The following ITPR1 variants were observed in gnomAD, a reference collection of about 807,000 sequenced individuals.
ITPR1 encodes inositol 1,4,5-trisphosphate-gated calcium channel ITPR1.
ITPR1 carries 96 observed loss-of-function variants against 318.4 expected under a neutral mutation model. The observed-to-expected ratio is 0.30, with a 90% confidence interval of 0.26 to 0.36. ITPR1 has a LOEUF of 0.36. Ranked by LOEUF, ITPR1 falls within the 10% of genes least tolerant of loss-of-function variation. ITPR1 has a pLI of 1.00. For missense variants in ITPR1, 2,440 were observed against 3,460.2 expected (o/e 0.71, Z 7.40); for synonymous variants, 1,312 against 1,289.9 (o/e 1.02, Z -0.37).
At chr3:4,584,574 T>G (rs1237811020) in intron 4 of ITPR1, among the ~76,000 whole-genome samples, 1 of 144,594 alleles carries the variant, frequency 6.9e-6, no homozygotes, top group Non-Finnish European at 1.5e-5. Flanking sequence ...TTTTTTTTTG[T>G]GAAAGGAAGT....
At position 4,699,833 on chromosome 3, in the gene ITPR1, C is replaced by G; in HGVS notation, c.4428C>G (p.Asp1476Glu). The change falls in exon 35 of 62, where the codon GAC becomes GAG. Residue 1476 changes from aspartate (D) to glutamate (E), a missense_variant. Physicochemically the swap from Asp to Glu is conservative, Grantham distance 45. Coordinates refer to ENST00000649015, the MANE Select transcript of ITPR1 (RefSeq NM_001378452.1). ...DICRACNNTS[D>E]RKHADSILEK... is the part of the protein sequence containing the mutation. ...TCCAGGCCTGTAACAACACTAGTGA[C>G]AGGAAACATGCAGACTCGATTTTGG... 6.2e-7 allele frequency: 1 copy of G among 1,613,866 alleles called. No homozygotes were observed. Among genetic ancestry groups the G allele is most frequent in the Non-Finnish European group, 8.5e-7 (1 of 1,179,804 alleles).
chr3:4,835,323 G>A (rs1324150693), intron 60 of ITPR1, among the ~76,000 whole-genome samples: 2 of 152,118 alleles, frequency 1.3e-5, no homozygotes, highest in Non-Finnish European at 2.9e-5. Flanking sequence ...ATATATTGAT[G>A]CCTTCTATTG....
intron 43 of ITPR1, among the ~76,000 whole-genome samples, chr3:4,734,827 C>A (rs1187036139): frequency 6.6e-6 from 1 of 152,196 alleles, no homozygotes; most frequent in Non-Finnish European, 1.5e-5. Flanking sequence ...TTTCTGAAAC[C>A]AGTTCTGAAC....
chr3:4,714,242 C>T (rs1302869710), intron 39 of ITPR1, among the ~76,000 whole-genome samples: 1 of 152,170 alleles, frequency 6.6e-6, no homozygotes, highest in Non-Finnish European at 1.5e-5. Flanking sequence ...TCAAGCAAAC[C>T]AGTTGGCTTG....
intron 44 of ITPR1, among the ~76,000 whole-genome samples, chr3:4,756,451 A>AGTTATT (rs1299230025): frequency 6.6e-6 from 1 of 152,072 alleles, no homozygotes; most frequent in Non-Finnish European, 1.5e-5. Context: ...AGTACCCAAT[A>AGTTATT]GTTATTTTTT....
chr3:4,737,023 T>G (rs1298576920), intron 44 of ITPR1, among the ~76,000 whole-genome samples: 1 of 152,212 alleles, frequency 6.6e-6, no homozygotes, highest in Non-Finnish European at 1.5e-5. Flanking sequence ...GGCCATTTTT[T>G]TCTGAGATTA....
chr3:4,518,573 G>T (rs1283957648), intron 3 of ITPR1, among the ~76,000 whole-genome samples: 1 of 152,118 alleles, frequency 6.6e-6, no homozygotes, highest in Non-Finnish European at 1.5e-5. Flanking sequence ...ACCTGTTGTG[G>T]ACTACGGTGA....
Position 4,766,704 on chromosome 3 carries a change from A to G in ITPR1, c.5719A>G (p.Lys1907Glu). 1.3e-6 allele frequency: 2 copies of G among 1,593,848 alleles called. No individual in the cohort carries two copies. The highest frequency in any genetic ancestry group is 1.7e-6 in the Non-Finnish European group (2 of 1,169,468). ...GGTAGACAGGGATGCCCCATCACGG[A>G]AAAAAGGTAAATGTTCCTCAGTCTT... ...DEVDRDAPSRKKAKEPTTQIT... is the reference protein window; with the variant it reads ...DEVDRDAPSREKAKEPTTQIT... Residue 1907 changes from lysine to glutamate, a missense_variant, in exon 45 of 62, where the codon AAA becomes GAA. Transcript: ENST00000649015.
chr3:4,788,168 A>G lies in ITPR1; in HGVS notation c.6808+29A>G, dbSNP rs766526454. 1.2e-5 allele frequency: 18 copies of G among 1,547,454 alleles called. No homozygotes were observed. In the South Asian group the frequency reaches 2.0e-4, roughly 17 times the overall value. ...GGTTCCAACGCATCAGCAACAACAC[A>G]GAGAGACACAGTTCTGGGATTTCAC... On this transcript the variant is annotated intron_variant, in intron 52 of 61. Transcript: ENST00000649015.
intron 4 of ITPR1, among the ~76,000 whole-genome samples, chr3:4,536,450 T>C (rs2083882431): frequency 6.6e-6 from 1 of 152,224 alleles, no homozygotes; most frequent in South Asian, 2.1e-4. Flanking sequence ...GCAAGACTCT[T>C]AGAAACACAG....
At chr3:4,782,385 C>T (rs1000613962) in intron 49 of ITPR1, 14 of 353,292 alleles carry the variant, frequency 4.0e-5, no homozygotes, top group African/African-American at 2.5e-4. Flanking sequence ...CAGCATGTCT[C>T]TTGGTCTAAG....
intron 4 of ITPR1, among the ~76,000 whole-genome samples, chr3:4,622,461 G>A (rs1356054642): frequency 6.8e-6 from 1 of 146,428 alleles, no homozygotes; most frequent in Admixed American, 6.8e-5. Context: ...GTCTTGCTCT[G>A]TCGCCAGGCT....
At chr3:4,846,101 G>A in intron 61 of ITPR1, 38 bp from the exon 62 acceptor site, 1 of 1,231,002 alleles carries the variant, frequency 8.1e-7, no homozygotes, top group Non-Finnish European at 1.2e-6. Context: ...CGTACAGGAA[G>A]TATCTGGGTC....
chr3:4,689,379 A>T (rs1341834195), intron 31 of ITPR1, among the ~76,000 whole-genome samples: 6 of 152,240 alleles, frequency 3.9e-5, no homozygotes, highest in African/African-American at 4.8e-5. Context: ...TTGTAGGATA[A>T]TATAGGTTGA....
chr3:4,727,109 T>G lies in ITPR1; in HGVS notation c.5173-17T>G. Reference sequence around the variant, plus strand: ...CCTTAGTGTTGTATTAAAATGGAATTTCTGCATGCCTAGCAGGAGCTTGAA... The same window carrying G: ...CCTTAGTGTTGTATTAAAATGGAATGTCTGCATGCCTAGCAGGAGCTTGAA... On this transcript the variant is annotated splice_polypyrimidine_tract_variant and intron_variant, in intron 41 of 61. Coordinates refer to ENST00000649015, the MANE Select transcript of ITPR1 (RefSeq NM_001378452.1). 1 of 1,596,910 alleles carries G rather than the reference T, an allele frequency of 6.3e-7. No individual in the cohort carries two copies. The highest frequency in any genetic ancestry group is 8.5e-7 in the Non-Finnish European group (1 of 1,177,628).
In ITPR1 at chr3:4,711,865, A is replaced by G. The variant is rs753835816; in HGVS notation, c.5100A>G (p.Glu1700=). ...TGACCAAAGATAGAGGCTATGGAGAAAAGGTACTGCATTTTATTTTCATGG... is the reference window on the plus strand; with the variant it reads ...TGACCAAAGATAGAGGCTATGGAGAGAAGGTACTGCATTTTATTTTCATGG... ...EMMTKDRGYG[E]KLISIDELDN... The change falls in exon 39 of 62, where the codon GAA becomes GAG. Residue 1700 remains glutamate, a synonymous_variant. Coordinates refer to ENST00000649015, the MANE Select transcript of ITPR1 (RefSeq NM_001378452.1). The G allele has an allele frequency of 6.9e-7, 1 of 1,458,228 alleles. No homozygotes were observed. Among genetic ancestry groups the G allele is most frequent in the Non-Finnish European group, 9.3e-7 (1 of 1,073,914 alleles). The allele number at this position is 1,458,228 out of a possible 1,614,324, so 90.3% of individuals were successfully genotyped here. A position where few individuals can be genotyped will look rare whatever the true frequency, so the allele number is the denominator to read the frequency against.
chr3:4,768,791 A>C, intron 46 of ITPR1, 27 bp downstream of exon 46: 1 of 1,590,944 alleles, frequency 6.3e-7, no homozygotes, highest in Middle Eastern at 1.7e-4. Flanking sequence ...GGGGGCGTGG[A>C]GGGAGCTCGG....
chr3:4,670,261 C>T (rs2094044557), intron 19 of ITPR1, among the ~76,000 whole-genome samples: 1 of 152,128 alleles, frequency 6.6e-6, no homozygotes, highest in African/African-American at 2.4e-5. Context: ...ATATGGACAG[C>T]CTTAAAAAAC....
chr3:4,558,396 C>G (rs1485877658), intron 4 of ITPR1, among the ~76,000 whole-genome samples: 2 of 151,572 alleles, frequency 1.3e-5, no homozygotes, highest in African/African-American at 4.8e-5. Context: ...TAAACACAAT[C>G]AATTTATAGA....
Sources: gnomAD v4.1 joint callset for allele counts (sites outside exome capture counted in the v4.1 genomes callset) on GRCh38, gnomAD v4.1.1 for gene constraint, MANE v1.5 for transcripts, NCBI Gene and HGNC (gene_info 2026-07-23, HGNC 2026-07-21) for gene names.